The following GNA14 variants were observed in gnomAD, a reference collection of about 807,000 sequenced individuals.
GNA14 encodes G protein subunit alpha 14.
Under a neutral mutation model 42.0 loss-of-function variants are expected in GNA14, and 50 were observed. The observed-to-expected ratio is 1.19, with a 90% CI of 0.95 to 1.51. The LOEUF (loss-of-function observed/expected upper bound fraction) is 1.51, where lower values mean the gene tolerates loss of function less well. Among genes scored for constraint, GNA14 ranks in the 40% most tolerant of loss-of-function variants. The probability of loss-of-function intolerance (pLI) is 0.00; values close to 1 mark genes in which losing one functional copy is unlikely to be tolerated. For synonymous variants in GNA14, 173 were observed against 163.1 expected, an observed-to-expected ratio of 1.06 and a Z score of -0.46; for missense variants, 473 against 446.2, an observed-to-expected ratio of 1.06 and a Z score of -0.54.
intron 1 of GNA14, among the ~76,000 whole-genome samples, chr9:77,541,446 T>C (rs1425076501): frequency 6.6e-6 from 1 of 152,156 alleles, no homozygotes; most frequent in Non-Finnish European, 1.5e-5. Context: ...TATAAACTTT[T>C]CTTGTGCTGT....
At chr9:77,596,219 A>T (rs572626457) in intron 1 of GNA14, among the ~76,000 whole-genome samples, 6 of 152,110 alleles carry the variant, frequency 3.9e-5, no homozygotes, top group Admixed American at 1.3e-4. Flanking sequence ...GACTGCATCA[A>T]GCAGAAACGT....
At chr9:77,476,247 A>T (rs1334928986) in intron 2 of GNA14, among the ~76,000 whole-genome samples, 1 of 152,182 alleles carries the variant, frequency 6.6e-6, no homozygotes, top group Non-Finnish European at 1.5e-5. Flanking sequence ...GAAATGACAA[A>T]ATCACACCAA....
At chr9:77,534,557 T>C (rs946430459) in intron 1 of GNA14, among the ~76,000 whole-genome samples, 1 of 152,236 alleles carries the variant, frequency 6.6e-6, no homozygotes. Flanking sequence ...TTGTGATGTG[T>C]TCTGAAACCA....
intron 1 of GNA14, among the ~76,000 whole-genome samples, chr9:77,571,419 T>G (rs1376475451): frequency 6.6e-6 from 1 of 152,202 alleles, no homozygotes; most frequent in Non-Finnish European, 1.5e-5. Context: ...AAATCAATGC[T>G]CTAAGACTAT....
At chr9:77,542,264 G>A (rs2131776748) in intron 1 of GNA14, among the ~76,000 whole-genome samples, 1 of 152,266 alleles carries the variant, frequency 6.6e-6, no homozygotes, top group East Asian at 1.9e-4. Flanking sequence ...GATTTTGGGT[G>A]CATGCAGTTA....
chr9:77,461,151 C>T (rs1210786682), intron 2 of GNA14, among the ~76,000 whole-genome samples: 4 of 152,196 alleles, frequency 2.6e-5, no homozygotes, highest in Non-Finnish European at 4.4e-5. Flanking sequence ...ACCAGGCCCC[C>T]GCGGAGGGCT....
chr9:77,490,706 G>A (rs371556432), intron 2 of GNA14, among the ~76,000 whole-genome samples: 5 of 152,184 alleles, frequency 3.3e-5, no homozygotes, highest in African/African-American at 7.2e-5. Context: ...ACGCCCACCC[G>A]GAACCCCAGC....
chr9:77,537,661 T>A (rs1329895176), intron 1 of GNA14, among the ~76,000 whole-genome samples: 5 of 152,248 alleles, frequency 3.3e-5, no homozygotes, highest in Non-Finnish European at 5.9e-5. Flanking sequence ...CTCCATACTG[T>A]TTTCCATAGT....
intron 2 of GNA14, among the ~76,000 whole-genome samples, chr9:77,525,741 C>T (rs1837424433): frequency 2.0e-5 from 3 of 151,426 alleles, no homozygotes; most frequent in South Asian, 2.1e-4. Flanking sequence ...GGTTTCACCG[C>T]GTTAGCCAGG....
intron 1 of GNA14, among the ~76,000 whole-genome samples, chr9:77,588,312 C>G (rs186601956): frequency 6.0e-4 from 91 of 152,316 alleles, no homozygotes; most frequent in Non-Finnish European, 2.9e-5. Flanking sequence ...TAGCCAGTGT[C>G]TGTTGCTTGC....
intron 1 of GNA14, among the ~76,000 whole-genome samples, chr9:77,549,935 T>C (rs570003810): frequency 6.6e-6 from 1 of 152,238 alleles, no homozygotes; most frequent in African/African-American, 2.4e-5. Context: ...AGGGCTTGCA[T>C]GGGCCCTCCC....
intron 4 of GNA14, among the ~76,000 whole-genome samples, chr9:77,431,022 A>AGTG (rs1564011639): frequency 2.9e-5 from 1 of 34,328 alleles, no homozygotes; most frequent in Admixed American, 4.3e-4. Context: ...AGAAGTATAC[A>AGTG]TTTGTGTGTG....
intron 2 of GNA14, among the ~76,000 whole-genome samples, chr9:77,512,912 T>TAAAAAAA (rs1392900812): frequency 6.6e-6 from 1 of 152,246 alleles, no homozygotes. Context: ...AATCTCTGGC[T>TAAAAAAA]TGTTTACTTC....
chr9:77,435,794 C>T (rs1391858938), intron 2 of GNA14, among the ~76,000 whole-genome samples: 2 of 152,106 alleles, frequency 1.3e-5, no homozygotes, highest in Non-Finnish European at 2.9e-5. Context: ...AACATTTCCC[C>T]GTGTTGGCCC....
chr9:77,496,614 C>T (rs1315975295), intron 2 of GNA14, among the ~76,000 whole-genome samples: 1 of 152,142 alleles, frequency 6.6e-6, no homozygotes, highest in African/African-American at 2.4e-5. Context: ...TCTGGATCTG[C>T]CAAGAAAGAA....
intron 1 of GNA14, among the ~76,000 whole-genome samples, chr9:77,555,117 A>C (rs1330507349): frequency 6.6e-6 from 1 of 152,208 alleles, no homozygotes; most frequent in Non-Finnish European, 1.5e-5. Context: ...AGATATGATA[A>C]TTTTATTGTG....
intron 1 of GNA14, among the ~76,000 whole-genome samples, chr9:77,595,547 T>C (rs996106522): frequency 2.6e-5 from 4 of 152,148 alleles, no homozygotes; most frequent in African/African-American, 9.7e-5. Flanking sequence ...CCAGTGGGTT[T>C]TGGCCTCAAA....
chr9:77,557,270 G>T (rs1389561543), intron 1 of GNA14, among the ~76,000 whole-genome samples: 2 of 152,226 alleles, frequency 1.3e-5, no homozygotes, highest in African/African-American at 2.4e-5. Flanking sequence ...GAAAGAAAAA[G>T]ATTAGGAGAG....
At chr9:77,435,442 G>T (rs1192236633) in intron 2 of GNA14, among the ~76,000 whole-genome samples, 2 of 151,962 alleles carry the variant, frequency 1.3e-5, no homozygotes, top group Non-Finnish European at 2.9e-5. Context: ...CAAGTACAGC[G>T]CATTCTCACA....
Sources: gnomAD v4.1 joint callset for allele counts (sites outside exome capture counted in the v4.1 genomes callset) on GRCh38, gnomAD v4.1.1 for gene constraint, MANE v1.5 for transcripts, NCBI Gene and HGNC (gene_info 2026-07-23, HGNC 2026-07-21) for gene names.